USH2A: variants seen among roughly 807,000 people sequenced by gnomAD.
The protein encoded by USH2A is Usher syndrome 2A (autosomal recessive, mild).
Under a neutral mutation model 538.9 loss-of-function variants are expected in USH2A, and 443 were observed. The observed-to-expected ratio is 0.82, with a 90% CI of 0.76 to 0.89. USH2A has a LOEUF of 0.89. USH2A is among the 40% of genes least tolerant of loss of function. USH2A has a pLI of 0.00. For missense variants in USH2A, 6,633 were observed against 6,324.8 expected (o/e 1.05, Z -1.65); for synonymous variants, 2,413 against 2,273.5 (o/e 1.06, Z -1.75).
intron 30 of USH2A, among the ~76,000 whole-genome samples, chr1:216,055,521 T>C (rs191746689): frequency 9.8e-5 from 15 of 152,356 alleles, no homozygotes; most frequent in Middle Eastern, 3.4e-3. Flanking sequence ...ATCAATCCAA[T>C]ATGCCATGCT....
At chr1:216,123,170 T>C (rs969469716) in intron 21 of USH2A, among the ~76,000 whole-genome samples, 1 of 152,196 alleles carries the variant, frequency 6.6e-6, no homozygotes, top group Non-Finnish European at 1.5e-5. Flanking sequence ...AGAACTGACT[T>C]AAAAAAATCT....
chr1:216,199,097 G>T lies in USH2A; in HGVS notation c.3812-513C>A, dbSNP rs565528097. On this transcript the variant is annotated intron_variant, in intron 17 of 71. Coordinates refer to ENST00000307340, the MANE Select transcript of USH2A (RefSeq NM_206933.4). ...AAATAACTTTACAAATCTAAAGAAA[G>T]ATTTTGCTATAATATGTACATGATA... 1.1e-4 allele frequency among the ~76,000 whole-genome samples: 17 copies of T among 152,242 alleles called. No homozygotes were observed. The East Asian group carries it at 3.1e-3, about 28-fold the overall frequency.
At position 215,680,366 on chromosome 1, in the gene USH2A, T is replaced by C. The variant is rs1361648232; in HGVS notation, c.12077A>G (p.His4026Arg). The C allele has an allele frequency of 1.2e-6, 2 of 1,613,230 alleles. No homozygotes were observed. Among genetic ancestry groups the C allele is most frequent in the African/African-American group, 1.3e-5 (1 of 74,650 alleles). The part of the protein sequence containing the change: ...VHAFTVKGTS[H>R]QAHLYGLEPF... ...TTCTAACCCGTACAGGTGGGCTTGA[T>C]GGCTTGTTCCCTGTAAGAAAATTAA... is the stretch of plus-strand genomic sequence containing the variant. Residue 4026 changes from histidine to arginine, a missense_variant, in exon 62 of 72, where the codon CAT becomes CGT. Physicochemically the swap from His to Arg is conservative, Grantham distance 29. Transcript: ENST00000307340.
chr1:215,907,109 T>G (rs1350307812), intron 38 of USH2A, among the ~76,000 whole-genome samples: 1 of 151,992 alleles, frequency 6.6e-6, no homozygotes, highest in East Asian at 1.9e-4. Context: ...GAACAAAGAA[T>G]TGTATGGGTT....
intron 21 of USH2A, among the ~76,000 whole-genome samples, chr1:216,162,792 C>T (rs1207946202): frequency 1.3e-5 from 2 of 152,024 alleles, no homozygotes; most frequent in African/African-American, 4.8e-5. Context: ...TGTGTGCATC[C>T]TTAGCTCTAT....
At chr1:216,189,757 G>C (rs1488640066) in intron 20 of USH2A, among the ~76,000 whole-genome samples, 2 of 151,822 alleles carry the variant, frequency 1.3e-5, no homozygotes, top group Non-Finnish European at 2.9e-5. Context: ...GGAGTGAGTA[G>C]AGCCAAGCCT....
intron 61 of USH2A, among the ~76,000 whole-genome samples, chr1:215,697,849 T>G (rs1658869405): frequency 6.6e-6 from 1 of 152,162 alleles, no homozygotes; most frequent in Admixed American, 6.5e-5. Flanking sequence ...TAATTACACT[T>G]TAAGTTCTGG....
At position 215,888,517 on chromosome 1, in the gene USH2A, C is replaced by T. The variant is rs201141410; in HGVS notation, c.8132G>A (p.Ser2711Asn). 164 of 1,614,046 alleles carry T rather than the reference C, an allele frequency of 1.0e-4. No homozygotes were observed. Among genetic ancestry groups the T allele is most frequent in the Non-Finnish European group, 1.3e-4 (152 of 1,180,030 alleles). ...TGTGGTAACTTCTACCCAAGCACTGCTGTTTGTGCCTCCATGAAGAGTGCT... is the reference window on the plus strand; with the variant it reads ...TGTGGTAACTTCTACCCAAGCACTGTTGTTTGTGCCTCCATGAAGAGTGCT... ...LMSTLHGGTN[S>N]SAWVEVTTRP... The change falls in exon 41 of 72, where the codon AGC becomes AAC. Residue 2711 changes from serine to asparagine, a missense_variant. Physicochemically the swap from Ser to Asn is conservative, Grantham distance 46. Transcript: ENST00000307340.
At chr1:215,958,766 A>C (rs1667130134) in intron 37 of USH2A, among the ~76,000 whole-genome samples, 1 of 152,034 alleles carries the variant, frequency 6.6e-6, no homozygotes, top group African/African-American at 2.4e-5. Context: ...TCCTCCCCTA[A>C]CACTACCATT....
chr1:216,362,283 G>A (rs1000212075), intron 4 of USH2A, among the ~76,000 whole-genome samples: 1 of 152,060 alleles, frequency 6.6e-6, no homozygotes, highest in Admixed American at 6.6e-5. Context: ...TGGACACATT[G>A]TATGAATAAG....
chr1:215,675,071 T>C lies in USH2A; in HGVS notation c.12840A>G (p.Lys4280=). 5 of 1,614,010 alleles carry C rather than the reference T, an allele frequency of 3.1e-6. No homozygotes were observed. In the Middle Eastern group the frequency reaches 4.9e-4, roughly 160 times the overall value. The part of the protein sequence containing the change: ...VISYVSMNPQ[K]LLISWIPPEQ... ...CTGGTGGGATCCAGGAAATCAGCAG[T>C]TTTTGGGGATTCATAGAAACATAGG... Residue 4280 remains lysine (K), a synonymous_variant, in exon 63 of 72, where the codon AAA becomes AAG. Transcript: ENST00000307340.
At chr1:215,799,638 A>G (rs74447991) in intron 49 of USH2A, among the ~76,000 whole-genome samples, 1 of 152,134 alleles carries the variant, frequency 6.6e-6, no homozygotes, top group Non-Finnish European at 1.5e-5. Context: ...TATGTCACAC[A>G]CTGAATTTTA....
At chr1:216,047,675 G>A (rs1399966510) in intron 31 of USH2A, among the ~76,000 whole-genome samples, 2 of 152,120 alleles carry the variant, frequency 1.3e-5, no homozygotes, top group African/African-American at 2.4e-5. Flanking sequence ...AAGAGGAAGG[G>A]GGGAATATAT....
At chr1:215,633,268 G>C (rs1004827095) in intron 70 of USH2A, among the ~76,000 whole-genome samples, 9 of 152,184 alleles carry the variant, frequency 5.9e-5, no homozygotes, top group African/African-American at 2.2e-4. Flanking sequence ...TGAGTGAGTA[G>C]AGGAGTGGGA....
intron 12 of USH2A, among the ~76,000 whole-genome samples, chr1:216,249,519 C>G (rs1322068634): frequency 6.6e-6 from 1 of 152,110 alleles, no homozygotes; most frequent in Non-Finnish European, 1.5e-5. Flanking sequence ...AATTCAGGGT[C>G]TTAGAATTCC....
At chr1:216,110,355 A>C (rs576584060) in intron 21 of USH2A, among the ~76,000 whole-genome samples, 1 of 152,126 alleles carries the variant, frequency 6.6e-6, no homozygotes, top group Non-Finnish European at 1.5e-5. Flanking sequence ...GAAAACAAAA[A>C]ACTAACAACA....
At chr1:216,136,286 G>T (rs2033485654) in intron 21 of USH2A, among the ~76,000 whole-genome samples, 1 of 152,078 alleles carries the variant, frequency 6.6e-6, no homozygotes, top group South Asian at 2.1e-4. Flanking sequence ...AATAAATTGT[G>T]CAATTAATTA....
chr1:215,661,639 G>A (rs1329259238), intron 64 of USH2A, among the ~76,000 whole-genome samples: 1 of 152,186 alleles, frequency 6.6e-6, no homozygotes, highest in African/African-American at 2.4e-5. Context: ...ATAACAGTAG[G>A]TGGGCTAAGA....
chr1:215,629,724 G>A (rs904309160), intron 70 of USH2A, among the ~76,000 whole-genome samples: 4 of 150,342 alleles, frequency 2.7e-5, no homozygotes, highest in African/African-American at 9.8e-5. Context: ...TGAGGGCTCT[G>A]ATTTAGCTGG....
Sources: allele counts gnomAD v4.1 joint callset (sites outside exome capture counted in the v4.1 genomes callset), GRCh38; gene constraint gnomAD v4.1.1; transcripts MANE v1.5; gene names NCBI Gene and HGNC (gene_info 2026-07-23, HGNC 2026-07-21).